ADAM10: variants seen among roughly 807,000 people sequenced by gnomAD.
The protein encoded by ADAM10 is ADAM metallopeptidase domain 10, also known as disintegrin and metalloproteinase domain-containing protein 10.
Under a neutral mutation model 90.1 loss-of-function variants are expected in ADAM10, and 17 were observed. The observed-to-expected ratio is 0.19, with a 90% CI of 0.13 to 0.28. The LOEUF (loss-of-function observed/expected upper bound fraction) is 0.28, where lower values mean the gene tolerates loss of function less well. Ranked by LOEUF, ADAM10 falls within the 10% of genes least tolerant of loss-of-function variation. The probability of loss-of-function intolerance (pLI) is 1.00; values close to 1 mark genes in which losing one functional copy is unlikely to be tolerated. For missense variants in ADAM10, 610 were observed against 914.3 expected (o/e 0.67, Z 4.29); for synonymous variants, 310 against 298.6 (o/e 1.04, Z -0.40).
intron 5 of ADAM10, among the ~76,000 whole-genome samples, chr15:58,657,594 T>C (rs1331135546): frequency 6.6e-6 from 1 of 152,246 alleles, no homozygotes; most frequent in Non-Finnish European, 1.5e-5. Flanking sequence ...GAATTCCTTC[T>C]CTGTGTTATC....
At chr15:58,706,542 C>T (rs1182628582) in intron 2 of ADAM10, among the ~76,000 whole-genome samples, 1 of 151,682 alleles carries the variant, frequency 6.6e-6, no homozygotes, top group East Asian at 1.9e-4. Context: ...CACTAGTATA[C>T]TTTTTAAAAT....
chr15:58,613,151 C>G (rs150645749), intron 11 of ADAM10, among the ~76,000 whole-genome samples: 3 of 152,340 alleles, frequency 2.0e-5, no homozygotes, highest in Non-Finnish European at 4.4e-5. Context: ...CCACAAACTT[C>G]TACAGCACAG....
chr15:58,692,187 G>T, intron 2 of ADAM10: 1 of 557,250 alleles, frequency 1.8e-6, no homozygotes, highest in Non-Finnish European at 3.6e-6. Flanking sequence ...AAAGGTCAAA[G>T]GGAGCCTGAT....
intron 2 of ADAM10, chr15:58,692,441 C>T (rs779352480): frequency 5.5e-6 from 3 of 542,590 alleles, no homozygotes; most frequent in African/African-American, 3.9e-5. Flanking sequence ...TCCTCCTCAT[C>T]GGAACCCACA....
At chr15:58,674,528 G>A (rs1897269971) in intron 4 of ADAM10, among the ~76,000 whole-genome samples, 1 of 152,168 alleles carries the variant, frequency 6.6e-6, no homozygotes, top group Admixed American at 6.5e-5. Flanking sequence ...CCTGTTATAT[G>A]TGAATGATAC....
chr15:58,693,449 A>C (rs1246003001), intron 2 of ADAM10, among the ~76,000 whole-genome samples: 1 of 152,234 alleles, frequency 6.6e-6, no homozygotes, highest in Non-Finnish European at 1.5e-5. Context: ...AAGAATATAT[A>C]AATAGGTCTC....
intron 1 of ADAM10, among the ~76,000 whole-genome samples, chr15:58,731,921 T>C (rs1021466687): frequency 2.6e-5 from 4 of 152,036 alleles, no homozygotes; most frequent in African/African-American, 7.2e-5. Context: ...AGTCATGGGG[T>C]GGAGACTTCT....
At chr15:58,621,834 A>G (rs996103008) in intron 10 of ADAM10, among the ~76,000 whole-genome samples, 5 of 152,178 alleles carry the variant, frequency 3.3e-5, no homozygotes, top group Non-Finnish European at 5.9e-5. Flanking sequence ...CAGTTTCTCA[A>G]TCTGTACAGT....
chr15:58,612,087 A>G, intron 11 of ADAM10, 96 bp from the exon 12 acceptor site: 1 of 1,220,240 alleles, frequency 8.2e-7, no homozygotes, highest in Non-Finnish European at 1.2e-6. Context: ...TAGACATAGT[A>G]CCAATTTTTA....
intron 2 of ADAM10, among the ~76,000 whole-genome samples, chr15:58,713,434 CCAT>C (rs1264408360): frequency 6.6e-6 from 1 of 152,120 alleles, no homozygotes; most frequent in Non-Finnish European, 1.5e-5. Context: ...ACTAAAATGA[CCAT>C]CATCGACATC....
intron 11 of ADAM10, 54 bp from the exon 12 acceptor site, chr15:58,612,045 T>A: frequency 6.7e-7 from 1 of 1,485,736 alleles, no homozygotes; most frequent in South Asian, 1.2e-5. Context: ...ATTCCCTATA[T>A]ACTATTAGAT....
chr15:58,646,311 A>C (rs1596024442), intron 5 of ADAM10, 107 bp from the exon 6 acceptor site: 1 of 1,134,012 alleles, frequency 8.8e-7, no homozygotes, highest in South Asian at 1.4e-5. Flanking sequence ...TTTATATAAC[A>C]CCATAGGTAT....
chr15:58,661,010 A>G (rs1389224258), intron 5 of ADAM10, among the ~76,000 whole-genome samples: 1 of 152,362 alleles, frequency 6.6e-6, no homozygotes, highest in East Asian at 1.9e-4. Flanking sequence ...TACGGTTTAC[A>G]ATATCCATCT....
intron 12 of ADAM10, 113 bp from the exon 13 acceptor site, chr15:58,611,220 G>C (rs1183954983): frequency 1.3e-6 from 1 of 796,768 alleles, no homozygotes; most frequent in African/African-American, 1.7e-5. Context: ...AAATGGAAAT[G>C]AAAGTGAAAA....
intron 5 of ADAM10, among the ~76,000 whole-genome samples, chr15:58,659,857 T>C (rs1566984216): frequency 6.6e-6 from 1 of 152,302 alleles, no homozygotes; most frequent in East Asian, 1.9e-4. Context: ...GCCTCCCCAG[T>C]AGCTGGGACT....
intron 2 of ADAM10, chr15:58,692,945 T>G (rs1476650109): frequency 1.4e-6 from 1 of 719,738 alleles, no homozygotes; most frequent in Admixed American, 1.8e-5. Flanking sequence ...TTGACCAAAG[T>G]CAGGATGCAT....
At chr15:58,712,600 A>G (rs1220967766) in intron 2 of ADAM10, among the ~76,000 whole-genome samples, 7 of 151,734 alleles carry the variant, frequency 4.6e-5, no homozygotes, top group Non-Finnish European at 8.8e-5. Flanking sequence ...TGGGCGGATC[A>G]TGAGGTCAGG....
At chr15:58,620,471 CAA>C (rs879504526) in intron 11 of ADAM10, among the ~76,000 whole-genome samples, 6 of 128,378 alleles carry the variant, frequency 4.7e-5, no homozygotes, top group Non-Finnish European at 8.4e-5. Context: ...GACTCCATCT[CAA>C]AAAAAAAAAA....
Position 58,609,618 on chromosome 15 carries a change from A to C in ADAM10, c.2025+679T>G, listed in dbSNP as rs532410634. The C allele has an allele frequency of 4.5e-5, 7 of 154,216 alleles. No individual in the cohort carries two copies. In the East Asian group the frequency reaches 1.3e-3, roughly 30 times the overall value. The allele number at this position is 154,216 out of a possible 1,614,324, so 9.6% of individuals were successfully genotyped here. The stretch of plus-strand genomic sequence containing the variant: ...AAACTACATTCAGTTCAATTATAGC[A>C]CATTCTCAAATATATCATTTGCAAG... On this transcript the variant is annotated intron_variant, in intron 14 of 15. Transcript: ENST00000260408.
Sources: allele counts gnomAD v4.1 joint callset (sites outside exome capture counted in the v4.1 genomes callset), GRCh38; gene constraint gnomAD v4.1.1; transcripts MANE v1.5; gene names NCBI Gene and HGNC (gene_info 2026-07-23, HGNC 2026-07-21).